The following RAP1GDS1 variants were observed in gnomAD, a reference collection of about 807,000 sequenced individuals.
RAP1GDS1 encodes Rap1 GTPase-GDP dissociation stimulator 1, also known as RAP1, GTP-GDP dissociation stimulator 1.
Under a neutral mutation model 71.1 loss-of-function variants are expected in RAP1GDS1, and 35 were observed. That is an observed-to-expected ratio of 0.49 (90% CI 0.38 to 0.65). RAP1GDS1 has a LOEUF of 0.65. Ranked by LOEUF, RAP1GDS1 falls within the 30% of genes least tolerant of loss-of-function variation. The probability of loss-of-function intolerance (pLI) is 0.00; values close to 1 mark genes in which losing one functional copy is unlikely to be tolerated. For synonymous variants in RAP1GDS1, 229 were observed against 243.1 expected, an observed-to-expected ratio of 0.94 and a Z score of 0.54; for missense variants, 663 against 706.1, an observed-to-expected ratio of 0.94 and a Z score of 0.69.
At position 98,318,364 on chromosome 4, in the gene RAP1GDS1, T is replaced by C. The variant is rs998125731; in HGVS notation, c.113-24775T>C. Reference sequence around the variant, plus strand: ...AATGTTTTTTCCGGTACATACATACTTGTGATAAAGTTTAATTATTAAATT... The same window carrying C: ...AATGTTTTTTCCGGTACATACATACCTGTGATAAAGTTTAATTATTAAATT... On this transcript the variant is annotated intron_variant, in intron 2 of 14. Transcript: ENST00000408927. Among the ~76,000 whole-genome samples, 2 of 152,200 alleles carry C rather than the reference T, an allele frequency of 1.3e-5. 1 individual carries two copies. Among genetic ancestry groups the C allele is most frequent in the South Asian group, 4.1e-4 (2 of 4,828 alleles).
At chr4:98,336,160 CTG>C (rs1734695656) in intron 2 of RAP1GDS1, among the ~76,000 whole-genome samples, 1 of 152,058 alleles carries the variant, frequency 6.6e-6, no homozygotes, top group African/African-American at 2.4e-5. Flanking sequence ...AGTAAGAAAT[CTG>C]TATTTCTTAT....
chr4:98,417,622 C>G (rs1261624028), intron 9 of RAP1GDS1, 124 bp downstream of exon 9: 1 of 873,320 alleles, frequency 1.1e-6, no homozygotes, highest in Non-Finnish European at 1.6e-6. Context: ...ATGCTGCTAA[C>G]TTAATTTTTC....
intron 4 of RAP1GDS1, among the ~76,000 whole-genome samples, chr4:98,374,413 C>T (rs78605122): frequency 0.011 from 1,689 of 152,244 alleles, 33 homozygotes; most frequent in African/African-American, 0.039. Context: ...AGTTTTTCCA[C>T]TAGATCCTGT....
At chr4:98,287,393 A>G (rs1726202159) in intron 1 of RAP1GDS1, among the ~76,000 whole-genome samples, 1 of 152,224 alleles carries the variant, frequency 6.6e-6, no homozygotes, top group African/African-American at 2.4e-5. Context: ...GGTTGATTAC[A>G]TTCATATAAG....
Position 98,429,175 on chromosome 4 carries a change from G to A in RAP1GDS1, c.1441-4761G>A, listed in dbSNP as rs182629920. ...CTGGAGGCTTAGGCAGGAGGATGGC[G>A]TGAACCCGGGAGGTGGAGCTTGCAG... On this transcript the variant is annotated intron_variant, in intron 12 of 14. Coordinates refer to ENST00000408927, the MANE Select transcript of RAP1GDS1 (RefSeq NM_001100427.2). 3.1e-4 allele frequency among the ~76,000 whole-genome samples: 47 copies of A among 151,698 alleles called. No homozygotes were observed. In the East Asian group the frequency reaches 7.4e-3, roughly 24 times the overall value.
At position 98,308,170 on chromosome 4, in the gene RAP1GDS1, G is replaced by T. The variant is rs1280013086; in HGVS notation, c.112+14655G>T. Among the ~76,000 whole-genome samples, 3 of 150,694 alleles carry T rather than the reference G, an allele frequency of 2.0e-5. No individual in the cohort carries two copies. In the Admixed American group the frequency reaches 2.0e-4, roughly 10 times the overall value. On this transcript the variant is annotated intron_variant, in intron 2 of 14. Transcript: ENST00000408927. ...TGTGTGTATATATGTGTGTGTGTGT[G>T]TGTATGTATGTGTATGGGTGTGTGT...
At chr4:98,328,566 C>T (rs1167315277) in intron 2 of RAP1GDS1, among the ~76,000 whole-genome samples, 1 of 152,118 alleles carries the variant, frequency 6.6e-6, no homozygotes, top group Non-Finnish European at 1.5e-5. Context: ...AGGATTCGTT[C>T]TAGTCTACAG....
intron 1 of RAP1GDS1, among the ~76,000 whole-genome samples, chr4:98,275,466 T>G (rs1372894304): frequency 1.3e-5 from 2 of 152,202 alleles, no homozygotes; most frequent in Admixed American, 1.3e-4. Context: ...CAATAAAATT[T>G]TATGGGCACT....
chr4:98,401,813 CAG>C (rs918258191), intron 6 of RAP1GDS1, among the ~76,000 whole-genome samples: 9 of 152,040 alleles, frequency 5.9e-5, no homozygotes, highest in Admixed American at 2.0e-4. Flanking sequence ...TACTGGCAAA[CAG>C]AGCCTGAGTT....
chr4:98,340,926 G>A (rs1051602877), intron 2 of RAP1GDS1, among the ~76,000 whole-genome samples: 6 of 152,090 alleles, frequency 3.9e-5, no homozygotes, highest in Admixed American at 3.3e-4. Context: ...CGGGTACTAT[G>A]CTTATTACCT....
At chr4:98,300,627 C>T (rs1404256077) in intron 2 of RAP1GDS1, among the ~76,000 whole-genome samples, 2 of 152,138 alleles carry the variant, frequency 1.3e-5, no homozygotes, top group African/African-American at 2.4e-5. Flanking sequence ...TCTTAAACTC[C>T]TGACCTCAGG....
intron 3 of RAP1GDS1, among the ~76,000 whole-genome samples, chr4:98,350,917 G>C (rs906387278): frequency 6.6e-6 from 1 of 152,194 alleles, no homozygotes; most frequent in African/African-American, 2.4e-5. Context: ...GCTGAGGTCA[G>C]GGAGGATCCC....
chr4:98,344,229 T>G (rs1735916595), intron 3 of RAP1GDS1, among the ~76,000 whole-genome samples: 1 of 152,158 alleles, frequency 6.6e-6, no homozygotes, highest in African/African-American at 2.4e-5. Context: ...TGTTAGAAAA[T>G]TGGCCACTTA....
chr4:98,386,542 A>G (rs1192035924), intron 5 of RAP1GDS1, among the ~76,000 whole-genome samples: 1 of 148,492 alleles, frequency 6.7e-6, no homozygotes, highest in Non-Finnish European at 1.5e-5. Flanking sequence ...ATTGTTTTAA[A>G]CCTCCAATAT....
chr4:98,376,564 C>G (rs1741213412), intron 4 of RAP1GDS1, among the ~76,000 whole-genome samples: 1 of 151,816 alleles, frequency 6.6e-6, no homozygotes, highest in Non-Finnish European at 1.5e-5. Context: ...TCATTTATTC[C>G]TTTGAATCCT....
At chr4:98,348,610 A>T (rs1481393206) in intron 3 of RAP1GDS1, among the ~76,000 whole-genome samples, 1 of 152,172 alleles carries the variant, frequency 6.6e-6, no homozygotes, top group Non-Finnish European at 1.5e-5. Flanking sequence ...CTATTTCTCC[A>T]CAGCCAATCC....
At position 98,413,451 on chromosome 4, in the gene RAP1GDS1, A is replaced by G. The variant is rs191696411; in HGVS notation, c.764-3294A>G. On this transcript the variant is annotated intron_variant, in intron 7 of 14. Coordinates refer to ENST00000408927, the MANE Select transcript of RAP1GDS1 (RefSeq NM_001100427.2). ...TGATCTCATCGTTCAATTCCCACCT[A>G]TGAGTGAGAATATGCAGTGTTTGGT... Among the ~76,000 whole-genome samples, 1,286 of 150,858 alleles carry G rather than the reference A, an allele frequency of 8.5e-3. 18 individuals carry two copies. The highest frequency in any genetic ancestry group is 0.029 in the African/African-American group (1,203 of 41,004).
chr4:98,324,426 A>T (rs1732570227), intron 2 of RAP1GDS1, among the ~76,000 whole-genome samples: 3 of 151,888 alleles, frequency 2.0e-5, no homozygotes, highest in African/African-American at 7.3e-5. Flanking sequence ...ACTACTTTAA[A>T]GTTCATATGG....
chr4:98,313,462 G>A (rs1189177239), intron 2 of RAP1GDS1, among the ~76,000 whole-genome samples: 2 of 152,252 alleles, frequency 1.3e-5, no homozygotes, highest in Admixed American at 6.5e-5. Context: ...ACATTTCTAG[G>A]TATCAAGATG....
Sources: gnomAD v4.1 joint callset for allele counts (sites outside exome capture counted in the v4.1 genomes callset) on GRCh38, gnomAD v4.1.1 for gene constraint, MANE v1.5 for transcripts, NCBI Gene and HGNC (gene_info 2026-07-23, HGNC 2026-07-21) for gene names.